MTA3: variants seen among roughly 807,000 people sequenced by gnomAD.
MTA3 encodes the protein metastasis-associated protein MTA3.
MTA3 carries 34 observed loss-of-function variants against 83.5 expected under a neutral mutation model. That is an observed-to-expected ratio of 0.41 (90% CI 0.31 to 0.54). The LOEUF is 0.54. MTA3 is among the 20% of genes least tolerant of loss of function. The probability of loss-of-function intolerance (pLI) is 0.33; values close to 1 mark genes in which losing one functional copy is unlikely to be tolerated. For missense variants in MTA3, 761 were observed against 726.4 expected (o/e 1.05, Z -0.55); for synonymous variants, 303 against 252.7 (o/e 1.20, Z -1.89).
At chr2:42,707,702 T>C (rs900106772) in intron 12 of MTA3, among the ~76,000 whole-genome samples, 2 of 152,202 alleles carry the variant, frequency 1.3e-5, no homozygotes, top group Non-Finnish European at 2.9e-5. Context: ...ACAAGCACTT[T>C]ATATAATAAT....
At chr2:42,597,299 A>T (rs1160356544) in intron 3 of MTA3, among the ~76,000 whole-genome samples, 2 of 150,476 alleles carry the variant, frequency 1.3e-5, no homozygotes, top group Non-Finnish European at 3.0e-5. Context: ...TACTGGTTTC[A>T]TGTGATCCTA....
At chr2:42,662,846 C>G (rs1483496324) in intron 8 of MTA3, among the ~76,000 whole-genome samples, 1 of 151,740 alleles carries the variant, frequency 6.6e-6, no homozygotes, top group Non-Finnish European at 1.5e-5. Context: ...ATTCTTCTGC[C>G]TCAGCCTCCC....
intron 16 of MTA3, among the ~76,000 whole-genome samples, chr2:42,726,931 A>G (rs1667867076): frequency 6.6e-6 from 1 of 152,190 alleles, no homozygotes. Context: ...GGTGGCTTGC[A>G]CTGGTAATCC....
chr2:42,675,031 C>T (rs771211968), intron 8 of MTA3, among the ~76,000 whole-genome samples: 2 of 152,014 alleles, frequency 1.3e-5, no homozygotes, highest in Non-Finnish European at 2.9e-5. Flanking sequence ...CCTGCCTTGG[C>T]CTCCCAGGGC....
At chr2:42,601,237 G>A (rs886996297) in intron 3 of MTA3, among the ~76,000 whole-genome samples, 1 of 152,104 alleles carries the variant, frequency 6.6e-6, no homozygotes. Context: ...CTTGAACTTT[G>A]TTCTGGGATG....
rs755413835 is a variant in MTA3 at position 42,656,307 on chromosome 2, G to GT, written c.602+6dup. 2 of 1,586,420 alleles carry GT rather than the reference G, an allele frequency of 1.3e-6. No homozygotes were observed. Among genetic ancestry groups the GT allele is most frequent in the Admixed American group, 1.7e-5 (1 of 59,900 alleles). On this transcript the variant is annotated splice_donor_region_variant and intron_variant, in intron 7 of 16. Transcript: ENST00000405094. ...CCAGTTTTTAGTTGTAGCACGGTGA[G>GT]TATGAGTATGGCATTATTGAGTCAA... is the stretch of plus-strand genomic sequence containing the variant.
intron 4 of MTA3, among the ~76,000 whole-genome samples, chr2:42,633,440 C>T (rs926337863): frequency 6.6e-6 from 1 of 151,818 alleles, no homozygotes; most frequent in Non-Finnish European, 1.5e-5. Flanking sequence ...TTAGCGGGGC[C>T]TGGTGGTTCA....
intron 3 of MTA3, among the ~76,000 whole-genome samples, chr2:42,603,034 T>C (rs187524095): frequency 1.3e-5 from 2 of 152,224 alleles, no homozygotes; most frequent in Admixed American, 1.3e-4. Flanking sequence ...CAGGATGGAC[T>C]GTAATTCAGG....
intron 2 of MTA3, among the ~76,000 whole-genome samples, chr2:42,513,630 GA>G (rs781220367): frequency 1.3e-4 from 20 of 152,312 alleles, no homozygotes; most frequent in Admixed American, 7.9e-4. Flanking sequence ...ACATAGGACA[GA>G]GAAAAGGGTA....
At chr2:42,554,588 A>C (rs1315763127) in intron 2 of MTA3, among the ~76,000 whole-genome samples, 1 of 152,152 alleles carries the variant, frequency 6.6e-6, no homozygotes, top group African/African-American at 2.4e-5. Context: ...GATGCAAGTG[A>C]GGGACCCCAC....
At chr2:42,736,879 G>A (rs142142989) in intron 16 of MTA3, among the ~76,000 whole-genome samples, 10 of 152,312 alleles carry the variant, frequency 6.6e-5, no homozygotes, top group African/African-American at 2.4e-4. Flanking sequence ...CTTCAAGGCA[G>A]TGGGCTTTCT....
intron 4 of MTA3, among the ~76,000 whole-genome samples, chr2:42,626,739 T>G (rs1055195849): frequency 2.6e-5 from 4 of 152,204 alleles, no homozygotes; most frequent in African/African-American, 9.6e-5. Context: ...AGCTCCTTTT[T>G]TTTAAATTTA....
At chr2:42,717,486 C>G (rs1667110780) in intron 14 of MTA3, among the ~76,000 whole-genome samples, 1 of 152,170 alleles carries the variant, frequency 6.6e-6, no homozygotes, top group African/African-American at 2.4e-5. Context: ...TGCACATCTA[C>G]TCTTCCAAAT....
chr2:42,515,245 G>C (rs1675090777), intron 2 of MTA3, among the ~76,000 whole-genome samples: 1 of 151,814 alleles, frequency 6.6e-6, no homozygotes, highest in Non-Finnish European at 1.5e-5. Context: ...TTTTAGTAGA[G>C]ACAGGGTTTC....
intron 16 of MTA3, among the ~76,000 whole-genome samples, chr2:42,739,219 C>G (rs1460618524): frequency 6.6e-6 from 1 of 152,126 alleles, no homozygotes; most frequent in African/African-American, 2.4e-5. Flanking sequence ...TAAAATTTCT[C>G]TCTTTTGTAC....
chr2:42,731,428 C>G (rs1668221593), intron 16 of MTA3, among the ~76,000 whole-genome samples: 1 of 152,162 alleles, frequency 6.6e-6, no homozygotes, highest in Admixed American at 6.5e-5. Flanking sequence ...CTGGGGAAGT[C>G]TCAGAATCTG....
chr2:42,618,189 C>G (rs1685134551), intron 4 of MTA3, among the ~76,000 whole-genome samples: 1 of 152,166 alleles, frequency 6.6e-6, no homozygotes, highest in African/African-American at 2.4e-5. Flanking sequence ...CTCATGTAAT[C>G]CTTCCACCCT....
chr2:42,575,568 A>T (rs1014922012), intron 2 of MTA3, among the ~76,000 whole-genome samples: 1 of 152,218 alleles, frequency 6.6e-6, no homozygotes, highest in South Asian at 2.1e-4. Context: ...GATAAAAAAA[A>T]AACAGGTCTA....
chr2:42,682,178 T>C (rs1691993584), intron 8 of MTA3, among the ~76,000 whole-genome samples: 1 of 152,148 alleles, frequency 6.6e-6, no homozygotes, highest in African/African-American at 2.4e-5. Flanking sequence ...AATAGAGGGA[T>C]ACCCTGTGCT....
Sources: allele counts gnomAD v4.1 joint callset (sites outside exome capture counted in the v4.1 genomes callset), GRCh38; gene constraint gnomAD v4.1.1; transcripts MANE v1.5; gene names NCBI Gene and HGNC (gene_info 2026-07-23, HGNC 2026-07-21).